The following CUL3 variants were observed in gnomAD, a reference collection of about 807,000 sequenced individuals.
CUL3 encodes cullin-3.
A neutral mutation model predicts 89.1 loss-of-function variants in CUL3; 19 were observed. That is an observed-to-expected ratio of 0.21 (90% CI 0.15 to 0.31). The LOEUF is 0.31. Among genes scored for constraint, CUL3 ranks in the 10% least tolerant of loss-of-function variants. CUL3 has a pLI of 1.00. For synonymous variants in CUL3, 351 were observed against 308.4 expected (o/e 1.14, Z -1.45); for missense variants, 469 against 942.3 (o/e 0.50, Z 6.58).
intron 11 of CUL3, chr2:224,499,530 G>C (rs114730992): frequency 5.3e-4 from 121 of 228,254 alleles, no homozygotes; most frequent in African/African-American, 2.6e-3. Context: ...AGATGTTCTA[G>C]AGTAGCTCTG....
chr2:224,551,042 AG>A (rs1694494727), intron 2 of CUL3, among the ~76,000 whole-genome samples: 1 of 150,918 alleles, frequency 6.6e-6, no homozygotes, highest in Non-Finnish European at 1.5e-5. Context: ...CAATGTCTTT[AG>A]GAAGTGGCAA....
rs577065503 is a variant in CUL3 at position 224,549,174 on chromosome 2, G to A, written c.264+8485C>T. 3.6e-4 allele frequency among the ~76,000 whole-genome samples: 55 copies of A among 151,588 alleles called. 1 individual carries two copies. Among genetic ancestry groups the A allele is most frequent in the Admixed American group, 4.6e-4 (7 of 15,234 alleles). On this transcript the variant is annotated intron_variant, in intron 2 of 15. Transcript: ENST00000264414. The stretch of plus-strand genomic sequence containing the variant: ...TTTACTAAAAATACAAAGATTGGCC[G>A]AGCATGGTGGCACACGCCTGTAATC...
chr2:224,542,551 G>A (rs954848626), intron 2 of CUL3, among the ~76,000 whole-genome samples: 10 of 143,640 alleles, frequency 7.0e-5, no homozygotes, highest in Non-Finnish European at 1.2e-4. Context: ...GGCTGTGTGC[G>A]TGTGCGTGTG....
intron 1 of CUL3, among the ~76,000 whole-genome samples, 184 bp from the exon 2 acceptor site, chr2:224,558,040 A>T (rs2106306118): frequency 6.6e-6 from 1 of 152,250 alleles, no homozygotes; most frequent in East Asian, 1.9e-4. Context: ...TACATTTAAA[A>T]ATAGGTTCTA....
At chr2:224,512,091 ATCTTTTTTT>A (rs979968357) in intron 5 of CUL3, among the ~76,000 whole-genome samples, 6 of 148,644 alleles carry the variant, frequency 4.0e-5, no homozygotes, top group Non-Finnish European at 7.4e-5. Context: ...ATAACTATTC[ATCTTTTTTT>A]TCTTTTTTTT....
chr2:224,528,180 G>A (rs1455706543), intron 3 of CUL3, among the ~76,000 whole-genome samples: 1 of 152,130 alleles, frequency 6.6e-6, no homozygotes, highest in Non-Finnish European at 1.5e-5. Context: ...ACTGAAATCA[G>A]TTTCAGCAGG....
intron 1 of CUL3, among the ~76,000 whole-genome samples, chr2:224,558,133 A>G (rs936432410): frequency 2.0e-5 from 3 of 152,162 alleles, no homozygotes; most frequent in African/African-American, 7.2e-5. Flanking sequence ...AAATAAAATC[A>G]TAATGATTTA....
At chr2:224,508,231 A>C (rs1692679064) in intron 6 of CUL3, among the ~76,000 whole-genome samples, 1 of 152,164 alleles carries the variant, frequency 6.6e-6, no homozygotes, top group African/African-American at 2.4e-5. Flanking sequence ...AAATATTTCA[A>C]AGCAAGATTT....
At chr2:224,513,676 A>G (rs1389204998) in intron 4 of CUL3, 38 bp from the exon 5 acceptor site, 1 of 1,330,256 alleles carries the variant, frequency 7.5e-7, no homozygotes, top group Non-Finnish European at 1.0e-6. Flanking sequence ...TAATTAAATT[A>G]CATTTAAAAA....
chr2:224,502,229 C>T (rs914097331), intron 10 of CUL3, among the ~76,000 whole-genome samples: 2 of 152,156 alleles, frequency 1.3e-5, no homozygotes, highest in Non-Finnish European at 2.9e-5. Context: ...AAAAGACTCA[C>T]AAATCTGTTA....
intron 1 of CUL3, among the ~76,000 whole-genome samples, chr2:224,567,798 C>T (rs917764725): frequency 1.3e-5 from 2 of 151,922 alleles, no homozygotes. Flanking sequence ...ACTATGAACT[C>T]CAACCTCATG....
intron 2 of CUL3, among the ~76,000 whole-genome samples, chr2:224,537,513 T>C (rs941918139): frequency 6.6e-5 from 10 of 152,160 alleles, no homozygotes; most frequent in African/African-American, 2.4e-4. Flanking sequence ...ACAAAATGAA[T>C]AATGTATCAT....
chr2:224,544,608 G>C (rs1457820413), intron 2 of CUL3, among the ~76,000 whole-genome samples: 1 of 151,270 alleles, frequency 6.6e-6, no homozygotes, highest in African/African-American at 2.4e-5. Flanking sequence ...GTGGTCTAGG[G>C]GTTTGTCACT....
intron 15 of CUL3, among the ~76,000 whole-genome samples, chr2:224,475,162 C>T (rs1448321001): frequency 1.3e-5 from 2 of 152,090 alleles, no homozygotes; most frequent in African/African-American, 2.4e-5. Flanking sequence ...GGACTACAGG[C>T]GCCCACCACC....
intron 1 of CUL3, among the ~76,000 whole-genome samples, chr2:224,572,881 T>C (rs1402043748): frequency 1.3e-5 from 2 of 152,182 alleles, no homozygotes; most frequent in African/African-American, 4.8e-5. Flanking sequence ...CTGCAGCACC[T>C]TGATCTTGAA....
At chr2:224,578,856 A>G (rs1695371625) in intron 1 of CUL3, among the ~76,000 whole-genome samples, 1 of 152,186 alleles carries the variant, frequency 6.6e-6, no homozygotes, top group Non-Finnish European at 1.5e-5. Flanking sequence ...AATGTATAAT[A>G]TAAAAAAAAG....
In CUL3 at chr2:224,576,278, T is replaced by C. The variant is rs560577458; in HGVS notation, c.66+8666A>G. Among the ~76,000 whole-genome samples the C allele has an allele frequency of 2.0e-5, 3 of 152,244 alleles. No individual in the cohort carries two copies. In the South Asian group the frequency reaches 6.2e-4, roughly 32 times the overall value. On this transcript the variant is annotated intron_variant, in intron 1 of 15. Coordinates refer to ENST00000264414, the MANE Select transcript of CUL3 (RefSeq NM_003590.5). ...AGGGATGAGATGCGAAGAACAGTCA[T>C]GGTGGAGGAAGTGAAATGTAGACCA...
At chr2:224,579,810 C>T (rs1019859222) in intron 1 of CUL3, among the ~76,000 whole-genome samples, 2 of 152,190 alleles carry the variant, frequency 1.3e-5, no homozygotes, top group African/African-American at 4.8e-5. Flanking sequence ...ACAGGTTTCC[C>T]AAACTCTGAA....
At chr2:224,551,372 A>AT in intron 2 of CUL3, among the ~76,000 whole-genome samples, 1 of 151,844 alleles carries the variant, frequency 6.6e-6, no homozygotes, top group Non-Finnish European at 1.5e-5. Context: ...CGTCCGGCTC[A>AT]TTTTTTGTAT....
Sources: allele counts gnomAD v4.1 joint callset (sites outside exome capture counted in the v4.1 genomes callset), GRCh38; gene constraint gnomAD v4.1.1; transcripts MANE v1.5; gene names NCBI Gene and HGNC (gene_info 2026-07-23, HGNC 2026-07-21).